MAN1A1: variants seen among roughly 807,000 people sequenced by gnomAD.
MAN1A1 encodes the protein mannosidase alpha class 1A member 1.
MAN1A1 carries 29 observed loss-of-function variants against 70.8 expected under a neutral mutation model. The observed-to-expected ratio is 0.41, with a 90% CI of 0.31 to 0.56. MAN1A1 has a LOEUF of 0.56. Among genes scored for constraint, MAN1A1 ranks in the 20% least tolerant of loss-of-function variants. The pLI is 0.29. For missense variants in MAN1A1, 747 were observed against 841.3 expected, an observed-to-expected ratio of 0.89 and a Z score of 1.39; for synonymous variants, 349 against 330.1, an observed-to-expected ratio of 1.06 and a Z score of -0.62.
At chr6:119,278,666 C>A (rs934388950) in intron 5 of MAN1A1, among the ~76,000 whole-genome samples, 3 of 152,224 alleles carry the variant, frequency 2.0e-5, no homozygotes, top group Admixed American at 6.5e-5. Context: ...GTGCCCCCCC[C>A]AGTGTTGGAA....
chr6:119,274,392 T>C (rs1775999424), intron 5 of MAN1A1, among the ~76,000 whole-genome samples: 1 of 152,162 alleles, frequency 6.6e-6, no homozygotes, highest in Non-Finnish European at 1.5e-5. Flanking sequence ...TACGAGCTAT[T>C]TCTAAGTGCT....
intron 2 of MAN1A1, among the ~76,000 whole-genome samples, chr6:119,347,923 A>T (rs967212524): frequency 2.0e-5 from 3 of 152,244 alleles, no homozygotes; most frequent in Non-Finnish European, 2.9e-5. Flanking sequence ...TTCATTTTTT[A>T]AAAAAGTAAA....
intron 3 of MAN1A1, among the ~76,000 whole-genome samples, chr6:119,304,330 G>A (rs566087167): frequency 6.6e-6 from 1 of 152,206 alleles, no homozygotes; most frequent in African/African-American, 2.4e-5. Context: ...AGACACTGGA[G>A]GGAATATTTT....
intron 2 of MAN1A1, among the ~76,000 whole-genome samples, chr6:119,314,292 TG>T (rs558737566): frequency 1.4e-4 from 21 of 152,250 alleles, no homozygotes; most frequent in Non-Finnish European, 2.6e-4. Context: ...ATTCTTTCAC[TG>T]GATGAGCAGT....
chr6:119,253,940 T>G (rs1379072037), intron 5 of MAN1A1, among the ~76,000 whole-genome samples: 1 of 152,168 alleles, frequency 6.6e-6, no homozygotes, highest in Non-Finnish European at 1.5e-5. Context: ...TCATTGATAC[T>G]TGAGTCAAAT....
At chr6:119,324,009 T>C (rs1202318615) in intron 2 of MAN1A1, among the ~76,000 whole-genome samples, 1 of 152,198 alleles carries the variant, frequency 6.6e-6, no homozygotes, top group East Asian at 1.9e-4. Context: ...CTGTAATGCA[T>C]AGTTATCTTA....
rs777568929 is a variant in MAN1A1 at position 119,348,707 on chromosome 6, T to G, written c.359A>C (p.Asn120Thr). The G allele has an allele frequency of 6.8e-6, 11 of 1,606,152 alleles. No homozygotes were observed. The highest frequency in any genetic ancestry group is 5.1e-6 in the Non-Finnish European group (6 of 1,176,948). Residue 120 changes from asparagine to threonine, a missense_variant, in exon 2 of 13, where the codon AAC becomes ACC. Asn to Thr is a moderately conservative substitution (Grantham distance 65). Around this residue, in one of 2 missense-constraint regions of MAN1A1, gnomAD observed 328 missense variants for 293.1 expected, o/e 1.12. Transcript: ENST00000368468. ...PGDPEAALEDNLARIRENHER... is the reference protein window; with the variant it reads ...PGDPEAALEDTLARIRENHER... ...GTGGTTTTCGCGGATCCTGGCCAAGTTGTCCTCCAGGGCGGCCTCCGGGTC... is the reference window on the plus strand; with the variant it reads ...GTGGTTTTCGCGGATCCTGGCCAAGGTGTCCTCCAGGGCGGCCTCCGGGTC...
intron 2 of MAN1A1, among the ~76,000 whole-genome samples, chr6:119,308,468 T>C (rs1382637862): frequency 1.3e-5 from 2 of 152,168 alleles, no homozygotes; most frequent in African/African-American, 4.8e-5. Flanking sequence ...ACGCCACTGA[T>C]GAGTCACATA....
In MAN1A1 at chr6:119,290,630, A is replaced by C. The variant is rs144155623; in HGVS notation, c.897+53T>G. The C allele has an allele frequency of 1.1e-4, 136 of 1,266,004 alleles. 1 individual carries two copies. In the African/African-American group the frequency reaches 1.9e-3, roughly 18 times the overall value. 78.4% of individuals were successfully genotyped at this position (1,266,004 alleles called of 1,614,324 possible). On this transcript the variant is annotated intron_variant, in intron 5 of 12. Coordinates refer to ENST00000368468, the MANE Select transcript of MAN1A1 (RefSeq NM_005907.4). ...TCACGAATGGCATATTTTACCAAAAATGTAGTTTAAGACACTTTATAATTC... is the reference window on the plus strand; with the variant it reads ...TCACGAATGGCATATTTTACCAAAACTGTAGTTTAAGACACTTTATAATTC...
intron 1 of MAN1A1, 61 bp from the exon 2 acceptor site, chr6:119,349,348 C>A: frequency 9.1e-7 from 1 of 1,098,698 alleles, no homozygotes; most frequent in Admixed American, 5.0e-5. Context: ...TCCAGCGGGT[C>A]TCCGCCCTCC....
chr6:119,258,066 G>A (rs763165769), intron 5 of MAN1A1, among the ~76,000 whole-genome samples: 27 of 152,098 alleles, frequency 1.8e-4, no homozygotes, highest in Non-Finnish European at 3.2e-4. Context: ...AAAGAGATGG[G>A]AATTATGAAA....
chr6:119,241,335 C>G (rs1488336043), intron 6 of MAN1A1, among the ~76,000 whole-genome samples: 1 of 152,198 alleles, frequency 6.6e-6, no homozygotes, highest in African/African-American at 2.4e-5. Context: ...GCTTCCCCAA[C>G]AGTGGACCTG....
chr6:119,346,795 C>T (rs1057411736), intron 2 of MAN1A1, among the ~76,000 whole-genome samples: 2 of 152,192 alleles, frequency 1.3e-5, no homozygotes, highest in Admixed American at 6.5e-5. Flanking sequence ...TAACTGGCAG[C>T]TCGTATGACT....
intron 4 of MAN1A1, among the ~76,000 whole-genome samples, chr6:119,294,334 A>G (rs7740043): frequency 0.38 from 57,421 of 151,808 alleles, 11,341 homozygotes; most frequent in Non-Finnish European, 0.41. Flanking sequence ...ATAATGTTCT[A>G]AAAGTTTTCT....
intron 2 of MAN1A1, among the ~76,000 whole-genome samples, chr6:119,325,202 T>C (rs1469315262): frequency 1.3e-5 from 2 of 152,158 alleles, no homozygotes; most frequent in East Asian, 1.9e-4. Flanking sequence ...AACTGAGGTA[T>C]AGGGAGGTTA....
At chr6:119,275,624 T>C (rs1205323547) in intron 5 of MAN1A1, among the ~76,000 whole-genome samples, 1 of 151,828 alleles carries the variant, frequency 6.6e-6, no homozygotes, top group Non-Finnish European at 1.5e-5. Context: ...TTATTTTTAG[T>C]AGAGACGGGG....
Position 119,180,080 on chromosome 6 carries a change from ACCCTGAGGGGTTAT to A in MAN1A1, c.1836-149_1836-136del, listed in dbSNP as rs140223280. 7.1e-4 allele frequency: 687 copies of A among 962,970 alleles called. 6 individuals are homozygous for A. The African/African-American group carries it at 9.7e-3, about 14-fold the overall frequency. The allele number at this position is 962,970 out of a possible 1,614,324, so 59.7% of individuals were successfully genotyped here. ...ATGGACAAGAGTCAAATATATCAAA[ACCCTGAGGGGTTAT>A]ACTCATTAACATGGGGTAAAGCAGC... On this transcript the variant is annotated intron_variant, in intron 12 of 12. Coordinates refer to ENST00000368468, the MANE Select transcript of MAN1A1 (RefSeq NM_005907.4).
intron 2 of MAN1A1, chr6:119,327,388 T>G (rs1043336891): frequency 2.8e-5 from 2 of 70,914 alleles, no homozygotes; most frequent in East Asian, 2.5e-4. Flanking sequence ...GTTTTTTTTT[T>G]TTGTTTTTTT....
intron 4 of MAN1A1, among the ~76,000 whole-genome samples, chr6:119,297,528 T>C (rs975326847): frequency 1.3e-5 from 2 of 152,072 alleles, no homozygotes; most frequent in African/African-American, 4.8e-5. Flanking sequence ...AAACACAAGG[T>C]CATTGAGTTA....
Sources: gnomAD v4.1 joint callset for allele counts (sites outside exome capture counted in the v4.1 genomes callset) on GRCh38, gnomAD v4.1.1 for gene constraint, gnomAD v4.1.1 regional missense constraint, MANE v1.5 for transcripts, NCBI Gene and HGNC (gene_info 2026-07-23, HGNC 2026-07-21) for gene names.